EHHADH: variants seen among roughly 807,000 people sequenced by gnomAD.
EHHADH encodes enoyl-CoA hydratase and 3-hydroxyacyl CoA dehydrogenase.
Under a neutral mutation model 64.4 loss-of-function variants are expected in EHHADH, and 48 were observed. That is an observed-to-expected ratio of 0.75 (90% CI 0.59 to 0.95). The LOEUF is 0.95. Ranked by LOEUF, EHHADH falls within the 40% of genes least tolerant of loss-of-function variation. The pLI is 0.00. For synonymous variants in EHHADH, 308 were observed against 326.7 expected, an observed-to-expected ratio of 0.94 and a Z score of 0.62; for missense variants, 854 against 876.6, an observed-to-expected ratio of 0.97 and a Z score of 0.33.
Position 185,204,403 on chromosome 3 carries a change from C to A in EHHADH, c.910+13G>T, listed in dbSNP as rs763360960. The A allele has an allele frequency of 7.6e-6, 12 of 1,586,036 alleles. No homozygotes were observed. The highest frequency in any genetic ancestry group is 9.4e-6 in the Non-Finnish European group (11 of 1,166,780). On this transcript the variant is annotated intron_variant, in intron 6 of 6. Transcript: ENST00000231887. Reference sequence around the variant, plus strand: ...AGATTTGGAGGATTCCATTCATTACCCCATGGTCTTACCAACAACACCAAC... The same window carrying A: ...AGATTTGGAGGATTCCATTCATTACACCATGGTCTTACCAACAACACCAAC...
chr3:185,230,587 G>C (rs1719124916), intron 3 of EHHADH, among the ~76,000 whole-genome samples: 1 of 150,786 alleles, frequency 6.6e-6, no homozygotes, highest in Admixed American at 6.6e-5. Flanking sequence ...ATATGATTCT[G>C]TTTATATGAA....
At chr3:185,235,542 CTT>C in intron 2 of EHHADH, 80 bp from the exon 3 acceptor site, 1 of 1,154,608 alleles carries the variant, frequency 8.7e-7, no homozygotes, top group Non-Finnish European at 1.2e-6. Context: ...ACCTGATACT[CTT>C]TAAAAAATTA....
In EHHADH at chr3:185,229,454, A is replaced by C. The variant is rs554651032; in HGVS notation, c.441T>G (p.Ala147=). 2 of 1,561,616 alleles carry C rather than the reference A, an allele frequency of 1.3e-6. No individual in the cohort carries two copies. The highest frequency in any genetic ancestry group is 1.7e-6 in the Non-Finnish European group (2 of 1,148,962). The change falls in exon 4 of 7, where the codon GCT becomes GCG. Residue 147 remains alanine (A), a synonymous_variant. Coordinates refer to ENST00000231887, the MANE Select transcript of EHHADH (RefSeq NM_001966.4). ...QLLPRLTGVP[A]ALDLITSGRR... Reference sequence around the variant, plus strand: ...GACCTGAGGTAATTAAGTCAAGTGCAGCAGGAACTCCAGTGAGTCTGGGGA... The same window carrying C: ...GACCTGAGGTAATTAAGTCAAGTGCCGCAGGAACTCCAGTGAGTCTGGGGA...
Position 185,229,425 on chromosome 3 carries a change from TACTGAC to T in EHHADH, c.463+1_463+6del. 6.6e-7 allele frequency: 1 copy of T among 1,504,908 alleles called. No homozygotes were observed. Among genetic ancestry groups the T allele is most frequent in the South Asian group, 1.4e-5 (1 of 69,482 alleles). The allele number at this position is 1,504,908 out of a possible 1,614,324, so 93.2% of individuals were successfully genotyped here. ...TCTAGACAGTTGTTGCCAAGGTCTA[TACTGAC>T]CTGAGGTAATTAAGTCAAGTGCAGC... is the stretch of plus-strand genomic sequence containing the variant. On this transcript the variant is annotated splice_donor_variant and splice_donor_5th_base_variant and intron_variant, in intron 4 of 6. Coordinates refer to ENST00000231887, the MANE Select transcript of EHHADH (RefSeq NM_001966.4). LOFTEE classifies it high-confidence loss of function.
chr3:185,224,557 G>C (rs1458106446), intron 4 of EHHADH, among the ~76,000 whole-genome samples: 2 of 150,150 alleles, frequency 1.3e-5, no homozygotes, highest in Admixed American at 1.3e-4. Context: ...ACCAAAGCAG[G>C]ATTCTGAATA....
At chr3:185,245,403 G>T in intron 2 of EHHADH, 1 of 574,738 alleles carries the variant, frequency 1.7e-6, no homozygotes, top group Non-Finnish European at 2.9e-6. Flanking sequence ...CACTCTGATG[G>T]CAAACTGGTT....
chr3:185,234,117 A>G (rs1719217464), intron 3 of EHHADH, among the ~76,000 whole-genome samples: 1 of 152,222 alleles, frequency 6.6e-6, no homozygotes, highest in South Asian at 2.1e-4. Flanking sequence ...CTAGTTTAGT[A>G]GAATGAATAT....
At chr3:185,234,021 A>C (rs1719215033) in intron 3 of EHHADH, among the ~76,000 whole-genome samples, 1 of 152,194 alleles carries the variant, frequency 6.6e-6, no homozygotes, top group African/African-American at 2.4e-5. Flanking sequence ...AAAAGACTAG[A>C]ATGAAATAGA....
intron 5 of EHHADH, among the ~76,000 whole-genome samples, chr3:185,205,240 G>A (rs1432923869): frequency 6.6e-6 from 1 of 152,016 alleles, no homozygotes; most frequent in African/African-American, 2.4e-5. Context: ...TATATCACAC[G>A]ATGCTGAGGC....
At chr3:185,224,289 C>T (rs527292801) in intron 4 of EHHADH, among the ~76,000 whole-genome samples, 7 of 151,832 alleles carry the variant, frequency 4.6e-5, no homozygotes, top group Middle Eastern at 3.4e-3. Context: ...CACTTGAGGT[C>T]GGCGGTTTGA....
chr3:185,227,538 A>C (rs1719012500), intron 4 of EHHADH, among the ~76,000 whole-genome samples: 1 of 151,394 alleles, frequency 6.6e-6, no homozygotes, highest in African/African-American at 2.4e-5. Flanking sequence ...GTCTCAAAAA[A>C]AAATAGGTCA....
At chr3:185,232,416 T>C (rs1335303701) in intron 3 of EHHADH, among the ~76,000 whole-genome samples, 1 of 152,228 alleles carries the variant, frequency 6.6e-6, no homozygotes, top group Non-Finnish European at 1.5e-5. Flanking sequence ...GGTATAGCCA[T>C]ATGATTGAAT....
At chr3:185,240,378 G>A (rs972402974) in intron 2 of EHHADH, among the ~76,000 whole-genome samples, 1 of 146,376 alleles carries the variant, frequency 6.8e-6, no homozygotes, top group Non-Finnish European at 1.5e-5. Context: ...GTAAAATTTG[G>A]CTGTGAATCT....
intron 5 of EHHADH, among the ~76,000 whole-genome samples, chr3:185,208,042 T>A (rs954838874): frequency 6.6e-6 from 1 of 152,202 alleles, no homozygotes; most frequent in African/African-American, 2.4e-5. Context: ...AGACAGACTC[T>A]AAGTAATGGG....
chr3:185,195,226 A>C (rs1718028013), intron 6 of EHHADH, among the ~76,000 whole-genome samples: 1 of 152,242 alleles, frequency 6.6e-6, no homozygotes, highest in African/African-American at 2.4e-5. Context: ...AGCACAAGCA[A>C]CACATGGGTA....
At chr3:185,234,730 T>C (rs929940990) in intron 3 of EHHADH, among the ~76,000 whole-genome samples, 1 of 152,082 alleles carries the variant, frequency 6.6e-6, no homozygotes, top group Admixed American at 6.5e-5. Context: ...AGAGAGGCCC[T>C]AGGGCTAAGG....
At chr3:185,235,972 G>A (rs977679704) in intron 2 of EHHADH, among the ~76,000 whole-genome samples, 5 of 152,058 alleles carry the variant, frequency 3.3e-5, no homozygotes, top group African/African-American at 1.2e-4. Flanking sequence ...TGAGTTATAT[G>A]TTAATCAAGC....
intron 4 of EHHADH, among the ~76,000 whole-genome samples, chr3:185,229,209 T>C (rs1473162203): frequency 1.3e-5 from 2 of 152,258 alleles, no homozygotes; most frequent in Non-Finnish European, 1.5e-5. Context: ...GCTCTTTGCA[T>C]GCACTTTCAT....
intron 5 of EHHADH, among the ~76,000 whole-genome samples, chr3:185,210,202 G>A (rs1428874105): frequency 6.6e-6 from 1 of 152,202 alleles, no homozygotes; most frequent in Non-Finnish European, 1.5e-5. Flanking sequence ...TACTACCTCT[G>A]TTCCCAGCAT....
Sources: allele counts gnomAD v4.1 joint callset (sites outside exome capture counted in the v4.1 genomes callset), GRCh38; gene constraint gnomAD v4.1.1; transcripts MANE v1.5; gene names NCBI Gene and HGNC (gene_info 2026-07-23, HGNC 2026-07-21).